Variants in CSMD1 observed in about 807,000 individuals in gnomAD.
CSMD1 encodes the protein CUB and Sushi multiple domains 1, also known as CUB and sushi domain-containing protein 1.
In CSMD1, 213 loss-of-function variants were observed where a neutral mutation model predicts 417.5. That is an observed-to-expected ratio of 0.51 (90% CI 0.46 to 0.57). The LOEUF (loss-of-function observed/expected upper bound fraction) is 0.57. Among genes scored for constraint, CSMD1 ranks in the 20% least tolerant of loss-of-function variants. The pLI, the probability that CSMD1 is intolerant of heterozygous loss-of-function variation, is 0.00. For synonymous variants in CSMD1, 2,862 were observed against 1,736.8 expected (o/e 1.65, Z -16.11); for missense variants, 6,923 against 4,529.7 (o/e 1.53, Z -15.17).
At chr8:4,279,695 C>T (rs766413995) in intron 3 of CSMD1, among the ~76,000 whole-genome samples, 2 of 152,124 alleles carry the variant, frequency 1.3e-5, no homozygotes, top group African/African-American at 4.8e-5. Context: ...TTTGAATGTG[C>T]ATTTTCTTCT....
chr8:4,056,608 A>G (rs1364310417), intron 3 of CSMD1, among the ~76,000 whole-genome samples: 7 of 151,854 alleles, frequency 4.6e-5, no homozygotes, highest in Non-Finnish European at 1.0e-4. Flanking sequence ...CTATGTATAC[A>G]TGTGCCATGC....
At chr8:3,846,534 T>A (rs1289093633) in intron 5 of CSMD1, among the ~76,000 whole-genome samples, 3 of 152,222 alleles carry the variant, frequency 2.0e-5, no homozygotes, top group African/African-American at 7.2e-5. Flanking sequence ...GGTGGGTGGA[T>A]TAATTGGGCT....
At chr8:3,109,638 A>G (rs548632162) in intron 43 of CSMD1, among the ~76,000 whole-genome samples, 5 of 152,262 alleles carry the variant, frequency 3.3e-5, no homozygotes, top group Admixed American at 6.5e-5. Context: ...AACAAAGCCC[A>G]AGGCCTTCAC....
intron 3 of CSMD1, among the ~76,000 whole-genome samples, chr8:4,414,749 T>G (rs1271412489): frequency 6.6e-5 from 10 of 152,188 alleles, no homozygotes. Flanking sequence ...TGAGTTCAGA[T>G]TTTTATCCAA....
chr8:4,959,867 C>T (rs986316190), intron 1 of CSMD1, among the ~76,000 whole-genome samples: 1 of 152,202 alleles, frequency 6.6e-6, no homozygotes, highest in African/African-American at 2.4e-5. Context: ...ATCAGTGTCT[C>T]AATGAGGTGA....
At chr8:3,049,938 C>G (rs1811708608) in intron 50 of CSMD1, among the ~76,000 whole-genome samples, 1 of 151,992 alleles carries the variant, frequency 6.6e-6, no homozygotes, top group Admixed American at 6.5e-5. Flanking sequence ...CTCTCGAGAA[C>G]AACGTCTGTC....
At chr8:3,412,423 A>G (rs1380115320) in intron 12 of CSMD1, among the ~76,000 whole-genome samples, 3 of 152,180 alleles carry the variant, frequency 2.0e-5, no homozygotes, top group Non-Finnish European at 4.4e-5. Flanking sequence ...TGTGAGGGAT[A>G]TAGAAACGTT....
intron 52 of CSMD1, among the ~76,000 whole-genome samples, chr8:3,003,028 G>C (rs991086197): frequency 6.6e-6 from 1 of 152,136 alleles, no homozygotes; most frequent in Non-Finnish European, 1.5e-5. Context: ...TTCCTATTTT[G>C]AAACAATGAG....
At chr8:4,370,102 A>G (rs906733411) in intron 3 of CSMD1, among the ~76,000 whole-genome samples, 1 of 151,716 alleles carries the variant, frequency 6.6e-6, no homozygotes, top group Non-Finnish European at 1.5e-5. Flanking sequence ...TTCCATATTT[A>G]GCATGCCTTT....
chr8:3,795,093 A>G (rs78866075), intron 5 of CSMD1, among the ~76,000 whole-genome samples: 20,605 of 73,770 alleles, frequency 0.28, 3,352 homozygotes, highest in Middle Eastern at 0.35. Context: ...CTATAGATAT[A>G]TATCTATCAT....
chr8:3,721,742 G>C (rs145345037), intron 6 of CSMD1, among the ~76,000 whole-genome samples: 1 of 152,102 alleles, frequency 6.6e-6, no homozygotes, highest in Admixed American at 6.5e-5. Context: ...TAAAGGAACA[G>C]AATTCTAAAT....
At chr8:4,493,966 C>T (rs968195958) in intron 2 of CSMD1, among the ~76,000 whole-genome samples, 1 of 152,130 alleles carries the variant, frequency 6.6e-6, no homozygotes, top group African/African-American at 2.4e-5. Context: ...CTTGGTTCTA[C>T]TGATTAACTT....
chr8:4,284,319 G>C (rs1245483281), intron 3 of CSMD1, among the ~76,000 whole-genome samples: 1 of 152,004 alleles, frequency 6.6e-6, no homozygotes, highest in Non-Finnish European at 1.5e-5. Context: ...CGTGAGCCGA[G>C]ATCCTGCCAA....
At chr8:4,047,729 G>A (rs891368293) in intron 3 of CSMD1, among the ~76,000 whole-genome samples, 1 of 151,874 alleles carries the variant, frequency 6.6e-6, no homozygotes, top group Admixed American at 6.6e-5. Flanking sequence ...AAATGCTATG[G>A]AGAAAAATAA....
At chr8:3,604,104 C>T (rs903454645) in intron 8 of CSMD1, among the ~76,000 whole-genome samples, 11 of 152,118 alleles carry the variant, frequency 7.2e-5, no homozygotes, top group Non-Finnish European at 1.3e-4. Flanking sequence ...TCGAAGCAGG[C>T]TCTGTACTGA....
intron 1 of CSMD1, among the ~76,000 whole-genome samples, chr8:4,710,803 C>G (rs944913913): frequency 2.4e-4 from 37 of 151,544 alleles, no homozygotes; most frequent in African/African-American, 8.7e-4. Context: ...CAAGATCGCA[C>G]CACTGCGCTC....
At chr8:4,471,420 C>A (rs1800525377) in intron 2 of CSMD1, among the ~76,000 whole-genome samples, 1 of 151,974 alleles carries the variant, frequency 6.6e-6, no homozygotes, top group Non-Finnish European at 1.5e-5. Flanking sequence ...GTAGATTACC[C>A]AAGTGCAGCA....
chr8:4,558,409 A>C (rs1196723312), intron 2 of CSMD1, among the ~76,000 whole-genome samples: 2 of 152,198 alleles, frequency 1.3e-5, no homozygotes, highest in Non-Finnish European at 2.9e-5. Flanking sequence ...AATCTTTTTT[A>C]ACTCTAACAA....
At chr8:4,447,863 G>A (rs548329712) in intron 2 of CSMD1, among the ~76,000 whole-genome samples, 12 of 152,322 alleles carry the variant, frequency 7.9e-5, no homozygotes, top group African/African-American at 2.9e-4. Flanking sequence ...AGTGTAAGTA[G>A]AGGAGGCTCG....
Sources: allele counts gnomAD v4.1 joint callset (sites outside exome capture counted in the v4.1 genomes callset), GRCh38; gene constraint gnomAD v4.1.1; transcripts MANE v1.5; gene names NCBI Gene and HGNC (gene_info 2026-07-23, HGNC 2026-07-21).